RAPGEF4: variants seen among roughly 807,000 people sequenced by gnomAD.
RAPGEF4 encodes Rap guanine nucleotide exchange factor 4, also known as RAP guanine-nucleotide-exchange factor (GEF) 4.
RAPGEF4 carries 66 observed loss-of-function variants against 147.9 expected under a neutral mutation model. The observed-to-expected ratio is 0.45, with a 90% CI of 0.37 to 0.55. RAPGEF4 has a LOEUF of 0.55. Ranked by LOEUF, RAPGEF4 falls within the 20% of genes least tolerant of loss-of-function variation. RAPGEF4 has a pLI of 0.00. For missense variants in RAPGEF4, 1,071 were observed against 1,257.3 expected (o/e 0.85, Z 2.24); for synonymous variants, 419 against 442.7 (o/e 0.95, Z 0.67).
chr2:173,046,920 A>G (rs1685541525), intron 29 of RAPGEF4, among the ~76,000 whole-genome samples: 1 of 152,172 alleles, frequency 6.6e-6, no homozygotes, highest in East Asian at 1.9e-4. Flanking sequence ...GCCTTGACTC[A>G]TCTATGATTT....
chr2:172,901,093 T>C (rs1699015876), intron 4 of RAPGEF4, among the ~76,000 whole-genome samples: 1 of 152,216 alleles, frequency 6.6e-6, no homozygotes, highest in Non-Finnish European at 1.5e-5. Flanking sequence ...CTGAGTGACA[T>C]GCTTTATATC....
intron 2 of RAPGEF4, among the ~76,000 whole-genome samples, chr2:172,795,522 C>T (rs890111758): frequency 6.6e-6 from 1 of 152,176 alleles, no homozygotes; most frequent in Non-Finnish European, 1.5e-5. Flanking sequence ...GTTCTCTTAA[C>T]TAGTGCTGAT....
intron 6 of RAPGEF4, among the ~76,000 whole-genome samples, chr2:172,943,687 A>G (rs1687395017): frequency 6.6e-6 from 1 of 152,156 alleles, no homozygotes; most frequent in Non-Finnish European, 1.5e-5. Flanking sequence ...GAATGGCTTT[A>G]CTCCTACCCC....
chr2:173,051,619 T>C, intron 30 of RAPGEF4, 21 bp from the exon 31 acceptor site: 1 of 1,610,986 alleles, frequency 6.2e-7, no homozygotes. Flanking sequence ...ATGCCAATTC[T>C]GCCCTTTCCT....
At chr2:172,891,710 A>G in intron 4 of RAPGEF4, among the ~76,000 whole-genome samples, 1 of 152,236 alleles carries the variant, frequency 6.6e-6, no homozygotes, top group Non-Finnish European at 1.5e-5. Flanking sequence ...ACAGAGGGTC[A>G]GGTGTAAAAA....
intron 4 of RAPGEF4, among the ~76,000 whole-genome samples, chr2:172,840,088 AT>A (rs2149699595): frequency 6.6e-6 from 1 of 152,224 alleles, no homozygotes; most frequent in East Asian, 1.9e-4. Context: ...TACTTCCTCC[AT>A]TGAAACCTTT....
intron 4 of RAPGEF4, among the ~76,000 whole-genome samples, chr2:172,875,213 T>C (rs1039289526): frequency 1.3e-5 from 2 of 152,246 alleles, no homozygotes; most frequent in Non-Finnish European, 2.9e-5. Flanking sequence ...TTGACCCTGA[T>C]GGTAGTTTCT....
In RAPGEF4 at chr2:173,014,393, C is replaced by G. The variant is rs1695311233; in HGVS notation, c.1659-71C>G. The G allele has an allele frequency of 2.0e-5, 32 of 1,593,990 alleles. No individual in the cohort carries two copies. The East Asian group carries it at 6.3e-4, about 31-fold the overall frequency. On this transcript the variant is annotated intron_variant, in intron 17 of 30. Transcript: ENST00000397081. ...GGCTTTCTGAAGCTGGGATCTGTCA[C>G]TCTTTACCTTTGAAAGTAGCATGTG...
intron 1 of RAPGEF4, among the ~76,000 whole-genome samples, chr2:172,766,181 A>G (rs1024724129): frequency 2.6e-5 from 4 of 152,002 alleles, no homozygotes; most frequent in African/African-American, 4.8e-5. Flanking sequence ...TTATGTATTT[A>G]TCAAACAGCT....
At chr2:172,931,200 G>A (rs1433198463) in intron 6 of RAPGEF4, among the ~76,000 whole-genome samples, 1 of 140,482 alleles carries the variant, frequency 7.1e-6, no homozygotes, top group Non-Finnish European at 1.6e-5. Flanking sequence ...GGGGGCGGGG[G>A]GACTGAACAG....
chr2:172,762,798 T>C (rs1696473319), intron 1 of RAPGEF4, among the ~76,000 whole-genome samples: 1 of 152,220 alleles, frequency 6.6e-6, no homozygotes, highest in Admixed American at 6.5e-5. Flanking sequence ...ATGGACCTGC[T>C]ATCTTAGCTG....
intron 1 of RAPGEF4, among the ~76,000 whole-genome samples, chr2:172,783,475 A>G (rs2149516037): frequency 6.6e-6 from 1 of 152,250 alleles, no homozygotes; most frequent in Admixed American, 6.5e-5. Flanking sequence ...GCGGCTGTGC[A>G]GGCCATGTTT....
At chr2:172,937,777 C>G (rs1686741472) in intron 6 of RAPGEF4, among the ~76,000 whole-genome samples, 1 of 129,476 alleles carries the variant, frequency 7.7e-6, no homozygotes, top group Admixed American at 8.6e-5. Context: ...GTCTCCTTTC[C>G]CATGTTGATT....
intron 4 of RAPGEF4, among the ~76,000 whole-genome samples, chr2:172,854,336 TTTGTC>T (rs1225424401): frequency 6.6e-6 from 1 of 152,014 alleles, no homozygotes; most frequent in Non-Finnish European, 1.5e-5. Flanking sequence ...ATTCATCTCT[TTTGTC>T]TGGTGATACT....
chr2:172,852,612 C>T (rs960457771), intron 4 of RAPGEF4, among the ~76,000 whole-genome samples: 7 of 152,084 alleles, frequency 4.6e-5, no homozygotes, highest in Non-Finnish European at 7.4e-5. Context: ...TCTTTCTAAT[C>T]TTTATGCCTC....
chr2:173,009,859 T>C (rs62175772), intron 17 of RAPGEF4, among the ~76,000 whole-genome samples: 8,135 of 152,300 alleles, frequency 0.053, 581 homozygotes, highest in East Asian at 0.39. Context: ...TGCTTTGTTA[T>C]CAGGATTTGG....
intron 4 of RAPGEF4, among the ~76,000 whole-genome samples, chr2:172,894,919 G>C (rs980863237): frequency 2.6e-5 from 4 of 152,064 alleles, no homozygotes; most frequent in Admixed American, 2.0e-4. Flanking sequence ...AATTGGACTT[G>C]AACTGTCTTG....
intron 4 of RAPGEF4, chr2:172,822,063 C>T: frequency 6.7e-7 from 1 of 1,498,222 alleles, no homozygotes; most frequent in Non-Finnish European, 9.2e-7. Flanking sequence ...GAATTATGCT[C>T]AAAAACATCT....
intron 21 of RAPGEF4, among the ~76,000 whole-genome samples, chr2:173,018,257 G>T (rs1695687267): frequency 6.6e-6 from 1 of 152,232 alleles, no homozygotes; most frequent in African/African-American, 2.4e-5. Flanking sequence ...CATGGCCCAG[G>T]CGGAAGCCCT....
Sources: allele counts gnomAD v4.1 joint callset (sites outside exome capture counted in the v4.1 genomes callset), GRCh38; gene constraint gnomAD v4.1.1; transcripts MANE v1.5; gene names NCBI Gene and HGNC (gene_info 2026-07-23, HGNC 2026-07-21).